The following LTA variants were observed in gnomAD, a reference collection of about 807,000 sequenced individuals.
LTA encodes lymphotoxin-alpha.
In LTA, 6 loss-of-function variants were observed where a neutral mutation model predicts 15.1. That is an observed-to-expected ratio of 0.40 (90% CI 0.22 to 0.78). The LOEUF is 0.78. Ranked by LOEUF, LTA falls within the 30% of genes least tolerant of loss-of-function variation. The probability of loss-of-function intolerance (pLI) is 0.38; values close to 1 mark genes in which losing one functional copy is unlikely to be tolerated. For missense variants in LTA, 173 were observed against 249.5 expected (o/e 0.69, Z 2.06); for synonymous variants, 87 against 107.3 (o/e 0.81, Z 1.17).
the LTA span, among the ~76,000 whole-genome samples, chr6:31,563,562 C>T: frequency 4.6e-5 from 7 of 152,288 alleles, no homozygotes; most frequent in Non-Finnish European, 8.8e-5. Flanking sequence ...TCTACTGCAG[C>T]GCTTGGCAGC....
upstream of LTA, among the ~76,000 whole-genome samples, chr6:31,569,241 C>A (rs1023806350): frequency 2.0e-5 from 3 of 152,140 alleles, no homozygotes; most frequent in African/African-American, 7.2e-5. Context: ...TATCTCCTGA[C>A]CTTGTGATCT....
chr6:31,568,420 G>T (rs1770684116), upstream of LTA, among the ~76,000 whole-genome samples: 1 of 152,138 alleles, frequency 6.6e-6, no homozygotes, highest in African/African-American at 2.4e-5. This position sits in a 1 kb window ranked among gnomAD's most constrained non-coding sequence, Gnocchi z 4.1. Flanking sequence ...TATTTAGGGG[G>T]TTATTAATTG....
At chr6:31,564,064 A>G in the LTA span, among the ~76,000 whole-genome samples, 1 of 152,204 alleles carries the variant, frequency 6.6e-6, no homozygotes, top group Non-Finnish European at 1.5e-5. Context: ...GGAGATGTGA[A>G]AAGTGAGTGG....
At chr6:31,567,999 A>T (rs559057987), upstream of LTA, among the ~76,000 whole-genome samples, 21 of 152,112 alleles carry the variant, frequency 1.4e-4, no homozygotes, top group East Asian at 3.7e-3. Context: ...CCACCCAAAC[A>T]CTCAAAGAGG....
At chr6:31,562,776 C>T in the LTA span, among the ~76,000 whole-genome samples, 1 of 147,918 alleles carries the variant, frequency 6.8e-6, no homozygotes, top group African/African-American at 2.5e-5. Flanking sequence ...GGGAGAATCG[C>T]TTGAACTCAG....
chr6:31,566,817 A>G, the LTA span, among the ~76,000 whole-genome samples: 1 of 151,236 alleles, frequency 6.6e-6, no homozygotes, highest in Non-Finnish European at 1.5e-5. Flanking sequence ...GCATGCACCT[A>G]TAATCCCAGC....
chr6:31,570,111 A>T (rs965839750), upstream of LTA, among the ~76,000 whole-genome samples: 1 of 152,216 alleles, frequency 6.6e-6, no homozygotes, highest in African/African-American at 2.4e-5. Flanking sequence ...AACTTTGATT[A>T]AATAAATGTA....
chr6:31,573,007 C>A lies in LTA; in HGVS notation c.179C>A (p.Thr60Asn), dbSNP rs1041981. Residue 60 changes from threonine (T) to asparagine (N), a missense_variant, in exon 3 of 4, where the codon ACC (threonine) becomes AAC (asparagine). Physicochemically the swap from Thr to Asn is moderately conservative, Grantham distance 65. Transcript: ENST00000418386. ...QHPKMHLAHSTLKPAAHLIGD... is the reference protein window; with the variant it reads ...QHPKMHLAHSNLKPAAHLIGD... Reference sequence around the variant, plus strand: ...CCCAAGATGCATCTTGCCCACAGCACCCTCAAACCTGCTGCTCACCTCATT... The same window carrying A: ...CCCAAGATGCATCTTGCCCACAGCAACCTCAAACCTGCTGCTCACCTCATT... 570,409 of 1,611,200 alleles carry A rather than the reference C, an allele frequency of 0.35. 103,451 individuals are homozygous for A. The highest frequency in any genetic ancestry group is 0.5 in the African/African-American group (37,652 of 74,610).
At chr6:31,571,624 C>T (rs376464838), upstream of LTA, among the ~76,000 whole-genome samples, 28 of 151,566 alleles carry the variant, frequency 1.8e-4, no homozygotes, top group African/African-American at 6.5e-4. Context: ...GATGAGACCT[C>T]ATCATACTTG....
chr6:31,572,903 C>T (rs1239662242), intron 2 of LTA, 25 bp from the exon 3 acceptor site: 1 of 1,610,378 alleles, frequency 6.2e-7, no homozygotes, highest in Admixed American at 1.7e-5. Flanking sequence ...GCCCTAGAGC[C>T]CCCCTCAACT....
upstream of LTA, among the ~76,000 whole-genome samples, chr6:31,569,773 T>C (rs1770738878): frequency 6.8e-6 from 1 of 146,936 alleles, no homozygotes. Flanking sequence ...CTCCAGCCTG[T>C]GCGACAGTGA....
chr6:31,572,622 C>G (rs540495873), intron 1 of LTA, 112 bp from the exon 2 acceptor site: 1 of 693,484 alleles, frequency 1.4e-6, no homozygotes, highest in Admixed American at 2.4e-5. Context: ...CCTTCTCTGT[C>G]GATCTCTCTC....
At chr6:31,566,093 A>G in the LTA span, among the ~76,000 whole-genome samples, 97,421 of 151,488 alleles carry the variant, frequency 0.64, 31,662 homozygotes, top group African/African-American at 0.74. Flanking sequence ...CAAGAGAATC[A>G]CTTGAACCTG....
At chr6:31,563,648 C>T in the LTA span, among the ~76,000 whole-genome samples, 1 of 152,146 alleles carries the variant, frequency 6.6e-6, no homozygotes, top group African/African-American at 2.4e-5. Context: ...ACTCTTGTTG[C>T]CCAGGCTGGA....
chr6:31,569,023 T>G (rs759058350), upstream of LTA, among the ~76,000 whole-genome samples: 8 of 152,164 alleles, frequency 5.3e-5, no homozygotes, highest in African/African-American at 9.7e-5. Flanking sequence ...TTGGTTTGTT[T>G]GTTTGAAATG....
chr6:31,561,212 G>A, the LTA span, among the ~76,000 whole-genome samples: 2 of 152,236 alleles, frequency 1.3e-5, no homozygotes, highest in Non-Finnish European at 2.9e-5. Context: ...CAAGGTCAGA[G>A]ATTGGACTGC....
In LTA at chr6:31,572,457, T is replaced by A; in HGVS notation, c.-10+11T>A. On this transcript the variant is annotated intron_variant, in intron 1 of 3. Coordinates refer to ENST00000418386, the MANE Select transcript of LTA (RefSeq NM_000595.4). ...TGGGCCTGGGCCTTGGTGGGTTTGGTTTTGGTTTCCTTCTCTGTCTCTGAC... is the reference window on the plus strand; with the variant it reads ...TGGGCCTGGGCCTTGGTGGGTTTGGATTTGGTTTCCTTCTCTGTCTCTGAC... 1 of 533,814 alleles carries A rather than the reference T, an allele frequency of 1.9e-6. No individual in the cohort carries two copies. 33.1% of individuals were successfully genotyped at this position (533,814 alleles called of 1,614,324 possible).
Position 31,573,788 on chromosome 6 carries a change from C to G in LTA, c.*95C>G, listed in dbSNP as rs1771001385. Reference sequence around the variant, plus strand: ...ACCATTTCAGGGGTCGTCACCACCTCTCCTTTGGCCATTCCAACAGCTCAA... The same window carrying G: ...ACCATTTCAGGGGTCGTCACCACCTGTCCTTTGGCCATTCCAACAGCTCAA... On this transcript the variant is annotated 3_prime_UTR_variant, in exon 4 of 4. Coordinates refer to ENST00000418386, the MANE Select transcript of LTA (RefSeq NM_000595.4). The G allele has an allele frequency of 7.1e-7, 1 of 1,414,342 alleles. No homozygotes were observed. The highest frequency in any genetic ancestry group is 1.4e-5 in the African/African-American group (1 of 70,808). The allele number at this position is 1,414,342 out of a possible 1,614,324, so 87.6% of individuals were successfully genotyped here.
the LTA span, among the ~76,000 whole-genome samples, chr6:31,563,020 C>T: frequency 2.0e-5 from 3 of 152,012 alleles, no homozygotes; most frequent in South Asian, 2.1e-4. Context: ...ATTAGCTGGG[C>T]GTGGTGGCAC....
Sources: gnomAD v4.1 joint callset for allele counts (sites outside exome capture counted in the v4.1 genomes callset) on GRCh38, gnomAD v4.1.1 for gene constraint, Gnocchi (gnomAD v3.1) non-coding constraint, MANE v1.5 for transcripts, NCBI Gene and HGNC (gene_info 2026-07-23, HGNC 2026-07-21) for gene names.